MCF2L2: variants seen among roughly 807,000 people sequenced by gnomAD.
MCF2L2 encodes the protein MCF.2 cell line derived transforming sequence-like 2.
A neutral mutation model predicts 150.2 loss-of-function variants in MCF2L2; 102 were observed. The ratio of observed to expected loss-of-function variants is 0.68; its 90% CI spans 0.58 to 0.80. MCF2L2 has a LOEUF of 0.80. MCF2L2 is among the 30% of genes least tolerant of loss of function. The pLI, the probability that MCF2L2 is intolerant of heterozygous loss-of-function variation, is 0.00. For missense variants in MCF2L2, 1,256 were observed against 1,372.8 expected (o/e 0.91, Z 1.34); for synonymous variants, 465 against 491.3 (o/e 0.95, Z 0.71).
chr3:183,197,875 A>G lies in MCF2L2; in HGVS notation c.2885-2620T>C, dbSNP rs369361409. On this transcript the variant is annotated intron_variant, in intron 25 of 29. Transcript: ENST00000328913. This position sits in a 1 kb window ranked among gnomAD's most constrained non-coding sequence, Gnocchi z 4.5. ...ACTAGGGAAAAGCAAATTAAAACCT[A>G]ATGACATACCACTATGCCCCTATTA... Among the ~76,000 whole-genome samples, 2 of 152,216 alleles carry G rather than the reference A, an allele frequency of 1.3e-5. No homozygotes were observed. Among genetic ancestry groups the G allele is most frequent in the African/African-American group, 4.8e-5 (2 of 41,472 alleles).
At chr3:183,304,611 G>A (rs754052153) in intron 10 of MCF2L2, among the ~76,000 whole-genome samples, 24 of 151,354 alleles carry the variant, frequency 1.6e-4, no homozygotes, top group African/African-American at 5.8e-4. Flanking sequence ...GACTATAGGC[G>A]CCCACCACTA....
chr3:183,219,730 A>G, intron 21 of MCF2L2, 126 bp downstream of exon 21: 1 of 624,636 alleles, frequency 1.6e-6, no homozygotes, highest in Admixed American at 3.0e-5. Context: ...GAGTTATAGG[A>G]TACATACTAT....
At chr3:183,299,824 T>G (rs1033615946) in intron 11 of MCF2L2, 181 bp downstream of exon 11, 1 of 608,192 alleles carries the variant, frequency 1.6e-6, no homozygotes, top group Non-Finnish European at 2.7e-6. Flanking sequence ...ACTTTTTACC[T>G]TCGTGCCAGG....
intron 27 of MCF2L2, among the ~76,000 whole-genome samples, chr3:183,187,268 C>T (rs897453063): frequency 6.6e-6 from 1 of 152,150 alleles, no homozygotes; most frequent in Admixed American, 6.5e-5. Flanking sequence ...CTGAGGTACC[C>T]GACGAGGGAC....
chr3:183,411,798 T>A (rs1715327413), intron 1 of MCF2L2, among the ~76,000 whole-genome samples: 1 of 152,178 alleles, frequency 6.6e-6, no homozygotes, highest in South Asian at 2.1e-4. Context: ...TTTATCAAGC[T>A]GAGCATCCTT....
intron 1 of MCF2L2, among the ~76,000 whole-genome samples, chr3:183,397,625 ATTATC>A (rs1441353052): frequency 6.6e-6 from 1 of 152,224 alleles, no homozygotes; most frequent in Non-Finnish European, 1.5e-5. Context: ...TGGATTAGTG[ATTATC>A]TTAACAATGA....
intron 2 of MCF2L2, among the ~76,000 whole-genome samples, chr3:183,381,364 C>T (rs1000919607): frequency 6.6e-6 from 1 of 152,146 alleles, no homozygotes; most frequent in African/African-American, 2.4e-5. Context: ...GAGAGAGGGC[C>T]AGCCCACTCT....
At chr3:183,251,410 T>TA (rs1724520480) in intron 15 of MCF2L2, among the ~76,000 whole-genome samples, 1 of 152,184 alleles carries the variant, frequency 6.6e-6, no homozygotes, top group Non-Finnish European at 1.5e-5. Context: ...TCCCCACTAC[T>TA]AATGATGCAT....
At chr3:183,320,747 T>C (rs1729777150) in intron 6 of MCF2L2, among the ~76,000 whole-genome samples, 1 of 152,188 alleles carries the variant, frequency 6.6e-6, no homozygotes, top group Non-Finnish European at 1.5e-5. Flanking sequence ...TTAGTTTCCA[T>C]CAAGAACTTT....
chr3:183,203,144 C>T (rs570634495), intron 25 of MCF2L2, among the ~76,000 whole-genome samples: 1 of 151,896 alleles, frequency 6.6e-6, no homozygotes, highest in African/African-American at 2.4e-5. Context: ...ACCCAGGAGG[C>T]GGAGGTTGCA....
At chr3:183,404,507 CGT>C (rs1209247423) in intron 1 of MCF2L2, among the ~76,000 whole-genome samples, 1 of 152,170 alleles carries the variant, frequency 6.6e-6, no homozygotes, top group Non-Finnish European at 1.5e-5. Flanking sequence ...CTGACCAAAA[CGT>C]ATTTAAAAAC....
intron 3 of MCF2L2, 173 bp downstream of exon 3, chr3:183,379,124 T>C (rs1390804982): frequency 3.7e-6 from 2 of 533,466 alleles, no homozygotes; most frequent in Non-Finnish European, 6.5e-6. Flanking sequence ...TGTTTTCCAG[T>C]CCCTTTCCAC....
At chr3:183,318,983 T>C (rs1260634290) in intron 6 of MCF2L2, among the ~76,000 whole-genome samples, 2 of 152,232 alleles carry the variant, frequency 1.3e-5, no homozygotes, top group African/African-American at 4.8e-5. Flanking sequence ...TGACAATTTC[T>C]TAAAGTAAGA....
At chr3:183,243,067 T>C (rs2108684429) in intron 15 of MCF2L2, among the ~76,000 whole-genome samples, 1 of 152,358 alleles carries the variant, frequency 6.6e-6, no homozygotes, top group East Asian at 1.9e-4. Context: ...TTTTACCCAA[T>C]GTCTACACCC....
intron 15 of MCF2L2, among the ~76,000 whole-genome samples, chr3:183,259,615 C>A (rs1423674905): frequency 6.6e-6 from 1 of 152,134 alleles, no homozygotes; most frequent in East Asian, 1.9e-4. Context: ...CTGTGTCTGA[C>A]TCCTCGCCTT....
At chr3:183,314,435 T>G (rs1729513486) in intron 7 of MCF2L2, among the ~76,000 whole-genome samples, 1 of 152,160 alleles carries the variant, frequency 6.6e-6, no homozygotes, top group South Asian at 2.1e-4. Flanking sequence ...GGAAGATTAT[T>G]TTGAACAAAA....
chr3:183,317,837 AAGACTCACTCACCACCCAGTCTCAAG>A lies in MCF2L2; in HGVS notation c.753+205_753+230del, dbSNP rs533424370. Among the ~76,000 whole-genome samples, 29 of 151,788 alleles carry A rather than the reference AAGACTCACTCACCACCCAGTCTCAAG, an allele frequency of 1.9e-4. 1 individual carries two copies. The highest frequency in any genetic ancestry group is 3.2e-4 in the Non-Finnish European group (22 of 67,924). ...TTCTTCACTCACCACCCAGTCTCAAAAGACTCACTCACCACCCAGTCTCAAGAGACTCACTCACCACCCAGTCTCAA... is the reference window on the plus strand; with the variant it reads ...TTCTTCACTCACCACCCAGTCTCAAAAGACTCACTCACCACCCAGTCTCAA... On this transcript the variant is annotated intron_variant, in intron 7 of 29. Coordinates refer to ENST00000328913, the MANE Select transcript of MCF2L2 (RefSeq NM_015078.4).
At chr3:183,249,419 C>A (rs1355824469) in intron 15 of MCF2L2, among the ~76,000 whole-genome samples, 1 of 152,250 alleles carries the variant, frequency 6.6e-6, no homozygotes, top group Admixed American at 6.5e-5. Flanking sequence ...CTGTCCCTGT[C>A]CCTGTCCCTG....
chr3:183,202,499 G>T (rs1042649383), intron 25 of MCF2L2, among the ~76,000 whole-genome samples: 1 of 152,202 alleles, frequency 6.6e-6, no homozygotes, highest in Non-Finnish European at 1.5e-5. Context: ...TGATCTTGAT[G>T]ATCTGCACAA....
Sources: gnomAD v4.1 joint callset for allele counts (sites outside exome capture counted in the v4.1 genomes callset) on GRCh38, gnomAD v4.1.1 for gene constraint, Gnocchi (gnomAD v3.1) non-coding constraint, MANE v1.5 for transcripts, NCBI Gene and HGNC (gene_info 2026-07-23, HGNC 2026-07-21) for gene names.